CCDC148: variants seen among roughly 807,000 people sequenced by gnomAD.
The protein encoded by CCDC148 is coiled-coil domain-containing protein 148.
Under a neutral mutation model 85.7 loss-of-function variants are expected in CCDC148, and 89 were observed. The observed-to-expected ratio is 1.04, with a 90% CI of 0.87 to 1.24. CCDC148 has a LOEUF of 1.24. Among genes scored for constraint, CCDC148 ranks in the 50% most tolerant of loss-of-function variants. The probability of loss-of-function intolerance (pLI) is 0.00; values close to 1 mark genes in which losing one functional copy is unlikely to be tolerated. For missense variants in CCDC148, 692 were observed against 671.7 expected, an observed-to-expected ratio of 1.03 and a Z score of -0.33; for synonymous variants, 230 against 213.9, an observed-to-expected ratio of 1.08 and a Z score of -0.66.
Position 158,267,121 on chromosome 2 carries a change from T to G in CCDC148, c.1111-16209A>C, listed in dbSNP as rs79906964. Among the ~76,000 whole-genome samples, 1,245 of 152,164 alleles carry G rather than the reference T, an allele frequency of 8.2e-3. 51 individuals are homozygous for G. In the East Asian group the frequency reaches 0.14, roughly 17 times the overall value. On this transcript the variant is annotated intron_variant, in intron 9 of 13. Coordinates refer to ENST00000283233, the MANE Select transcript of CCDC148 (RefSeq NM_138803.4). ...TAAAACTCCGATTCTTAGCATGACA[T>G]GCCAGGCCCTCTATTATCTGTCAAA...
At chr2:158,302,565 C>T (rs1436881358) in intron 9 of CCDC148, among the ~76,000 whole-genome samples, 1 of 152,118 alleles carries the variant, frequency 6.6e-6, no homozygotes, top group Admixed American at 6.5e-5. Flanking sequence ...GTGGGCGGAT[C>T]ACAAGGTCAG....
chr2:158,229,983 C>G (rs992279823), intron 10 of CCDC148, among the ~76,000 whole-genome samples: 1 of 152,198 alleles, frequency 6.6e-6, no homozygotes, highest in Non-Finnish European at 1.5e-5. Flanking sequence ...CTGTACTCCA[C>G]TCCGAAGTCA....
intron 1 of CCDC148, among the ~76,000 whole-genome samples, chr2:158,421,112 G>A (rs1348862951): frequency 6.6e-6 from 1 of 152,086 alleles, no homozygotes; most frequent in East Asian, 1.9e-4. Context: ...CCTACAAAGA[G>A]ACTTAGACTC....
At chr2:158,434,630 C>T (rs377627502) in intron 1 of CCDC148, among the ~76,000 whole-genome samples, 5 of 152,190 alleles carry the variant, frequency 3.3e-5, no homozygotes, top group East Asian at 1.9e-4. Context: ...ATGAATTTGA[C>T]GAGTTCAGAG....
At position 158,172,062 on chromosome 2, in the gene CCDC148, A is replaced by T. The variant is rs763601196; in HGVS notation, c.*51T>A. The stretch of plus-strand genomic sequence containing the variant: ...AAGTAGTAATTATTATTATCCATAT[A>T]CATGTTTTCAAAGAAAAATGCTCTT... On this transcript the variant is annotated 3_prime_UTR_variant, in exon 14 of 14. Coordinates refer to ENST00000283233, the MANE Select transcript of CCDC148 (RefSeq NM_138803.4). The T allele has an allele frequency of 2.3e-6, 3 of 1,278,772 alleles. No homozygotes were observed. The highest frequency in any genetic ancestry group is 2.8e-5 in the South Asian group (2 of 70,374). The allele number at this position is 1,278,772 out of a possible 1,614,324, so 79.2% of individuals were successfully genotyped here. A position where few individuals can be genotyped will look rare whatever the true frequency, so the allele number is the denominator to read the frequency against.
At chr2:158,271,184 G>T (rs1379825531) in intron 9 of CCDC148, among the ~76,000 whole-genome samples, 1 of 151,992 alleles carries the variant, frequency 6.6e-6, no homozygotes, top group African/African-American at 2.4e-5. Context: ...GGGTTAATAA[G>T]CTACTTTGAG....
chr2:158,178,749 C>A, intron 12 of CCDC148, 130 bp downstream of exon 12: 1 of 640,766 alleles, frequency 1.6e-6, no homozygotes, highest in Non-Finnish European at 2.8e-6. Flanking sequence ...ACAGCAGTAT[C>A]CCCATTTGGA....
At chr2:158,215,978 T>C (rs748240170) in intron 11 of CCDC148, among the ~76,000 whole-genome samples, 3 of 152,230 alleles carry the variant, frequency 2.0e-5, no homozygotes, top group Admixed American at 6.5e-5. Flanking sequence ...GGCACATTGA[T>C]CTTGGGCTTC....
intron 11 of CCDC148, among the ~76,000 whole-genome samples, chr2:158,182,299 A>G (rs1684942880): frequency 6.6e-6 from 1 of 152,104 alleles, no homozygotes; most frequent in Non-Finnish European, 1.5e-5. Context: ...ATTCCTAAGG[A>G]AACAACACTT....
chr2:158,376,128 A>C lies in CCDC148; in HGVS notation c.26-17558T>G, dbSNP rs866227379. Among the ~76,000 whole-genome samples the C allele has an allele frequency of 2.6e-5, 4 of 152,290 alleles. No individual in the cohort carries two copies. In the Middle Eastern group the frequency reaches 0.014, roughly 518 times the overall value. On this transcript the variant is annotated intron_variant, in intron 1 of 13. Transcript: ENST00000283233. ...GAAAAACACCTATCAATATAGACAT[A>C]GGTAAAATACTAGAAAATATTACTG...
At chr2:158,199,362 G>A (rs150950942) in intron 11 of CCDC148, among the ~76,000 whole-genome samples, 17 of 151,682 alleles carry the variant, frequency 1.1e-4, no homozygotes, top group African/African-American at 3.4e-4. Context: ...CTCCTGCCTC[G>A]GCCTCCCAAC....
intron 1 of CCDC148, among the ~76,000 whole-genome samples, chr2:158,372,972 T>C (rs988059434): frequency 6.6e-6 from 1 of 152,040 alleles, no homozygotes; most frequent in Non-Finnish European, 1.5e-5. Flanking sequence ...TCAGAACTTA[T>C]GATTATGTGA....
intron 9 of CCDC148, among the ~76,000 whole-genome samples, chr2:158,270,211 A>G (rs905700959): frequency 2.0e-5 from 3 of 152,182 alleles, no homozygotes; most frequent in Non-Finnish European, 4.4e-5. Context: ...ATTCTTCACT[A>G]AAGTCATTTG....
chr2:158,455,282 T>G (rs959994949), intron 1 of CCDC148, among the ~76,000 whole-genome samples: 1 of 152,114 alleles, frequency 6.6e-6, no homozygotes, highest in African/African-American at 2.4e-5. Flanking sequence ...CCTTCTCAAT[T>G]CTGAAAATAT....
chr2:158,347,663 G>A (rs2105251816), intron 2 of CCDC148, among the ~76,000 whole-genome samples: 1 of 152,036 alleles, frequency 6.6e-6, no homozygotes, highest in South Asian at 2.1e-4. Flanking sequence ...AGAAACCAGG[G>A]GTTTCCTGTA....
At chr2:158,328,059 C>G (rs1692876372) in intron 7 of CCDC148, among the ~76,000 whole-genome samples, 1 of 151,802 alleles carries the variant, frequency 6.6e-6, no homozygotes, top group African/African-American at 2.4e-5. Flanking sequence ...TACATGTGCA[C>G]AATGTGCAGG....
chr2:158,323,308 T>G (rs115710285), intron 7 of CCDC148, among the ~76,000 whole-genome samples: 1,703 of 152,278 alleles, frequency 0.011, 22 homozygotes, highest in African/African-American at 0.034. Context: ...AAAGACTTCA[T>G]ATGAAAAAAG....
At position 158,241,380 on chromosome 2, in the gene CCDC148, C is replaced by T. The variant is rs182007607; in HGVS notation, c.1251+9392G>A. Reference sequence around the variant, plus strand: ...TATAAAGTCTGAAGCTAAAAGATATCCTTCTGTATTATTAATAAGAGCTCC... The same window carrying T: ...TATAAAGTCTGAAGCTAAAAGATATTCTTCTGTATTATTAATAAGAGCTCC... On this transcript the variant is annotated intron_variant, in intron 10 of 13. Coordinates refer to ENST00000283233, the MANE Select transcript of CCDC148 (RefSeq NM_138803.4). Among the ~76,000 whole-genome samples, 360 of 152,058 alleles carry T rather than the reference C, an allele frequency of 2.4e-3. 2 individuals are homozygous for T. The highest frequency in any genetic ancestry group is 8.5e-3 in the African/African-American group (352 of 41,496).
intron 1 of CCDC148, among the ~76,000 whole-genome samples, chr2:158,399,100 C>T (rs1472830282): frequency 1.3e-5 from 2 of 152,126 alleles, no homozygotes; most frequent in Non-Finnish European, 1.5e-5. Flanking sequence ...TCTGAATAGA[C>T]CAATAACAGG....
Sources: allele counts gnomAD v4.1 joint callset (sites outside exome capture counted in the v4.1 genomes callset), GRCh38; gene constraint gnomAD v4.1.1; transcripts MANE v1.5; gene names NCBI Gene and HGNC (gene_info 2026-07-23, HGNC 2026-07-21).